The following TMEM267 variants were observed in gnomAD, a reference collection of about 807,000 sequenced individuals.
The protein encoded by TMEM267 is transmembrane protein C5orf28.
TMEM267 carries 20 observed loss-of-function variants against 19.3 expected under a neutral mutation model. The observed-to-expected ratio is 1.04, with a 90% confidence interval of 0.73 to 1.51. The LOEUF (loss-of-function observed/expected upper bound fraction) is 1.51. TMEM267 is among the 40% of genes most tolerant of loss of function. The probability of loss-of-function intolerance (pLI) is 0.00; values close to 1 mark genes in which losing one functional copy is unlikely to be tolerated. For missense variants in TMEM267, 242 were observed against 261.9 expected, an observed-to-expected ratio of 0.92 and a Z score of 0.52; for synonymous variants, 88 against 90.3, an observed-to-expected ratio of 0.97 and a Z score of 0.15.
In TMEM267 at chr5:43,477,370, TGAG is replaced by T. The variant is rs1744491549; in HGVS notation, c.-75+6449_-75+6451del. Among the ~76,000 whole-genome samples, 3 of 152,032 alleles carry T rather than the reference TGAG, an allele frequency of 2.0e-5. No individual in the cohort carries two copies. In the South Asian group the frequency reaches 6.2e-4, roughly 32 times the overall value. ...TTGGGAGGCCGAGGTGGGCGGATCATGAGGTCAGGAGTTCAAGACCAGCCTGAC... is the reference window on the plus strand; with the variant it reads ...TTGGGAGGCCGAGGTGGGCGGATCATGTCAGGAGTTCAAGACCAGCCTGAC... On this transcript the variant is annotated intron_variant, in intron 1 of 2. Transcript: ENST00000397080.
At chr5:43,475,416 C>A (rs903178813) in intron 1 of TMEM267, among the ~76,000 whole-genome samples, 1 of 152,010 alleles carries the variant, frequency 6.6e-6, no homozygotes, top group Non-Finnish European at 1.5e-5. Context: ...AGGAGAAATA[C>A]CTAATGTAGA....
chr5:43,451,937 G>T (rs956370366), intron 2 of TMEM267, among the ~76,000 whole-genome samples: 1 of 151,654 alleles, frequency 6.6e-6, no homozygotes, highest in Non-Finnish European at 1.5e-5. Flanking sequence ...AATTAGCCTG[G>T]CATGGTGGCA....
At chr5:43,480,132 C>T (rs950534055) in intron 1 of TMEM267, 7 of 256,684 alleles carry the variant, frequency 2.7e-5, no homozygotes, top group Non-Finnish European at 5.3e-5. Context: ...AATTAATGGC[C>T]AACCCAGAGC....
rs192347383 is a variant in TMEM267, at chr5:43,473,429, C to T, written c.-75+10393G>A. On this transcript the variant is annotated intron_variant, in intron 1 of 2. Coordinates refer to ENST00000397080, the MANE Select transcript of TMEM267 (RefSeq NM_022483.5). ...AAAGTCTCAGGATACAAAATCAATG[C>T]GCAAAAATCACAAGCATTCCTATAC... 4.8e-3 allele frequency among the ~76,000 whole-genome samples: 730 copies of T among 152,102 alleles called. 16 individuals are homozygous for T. The East Asian group carries it at 0.072, about 15-fold the overall frequency.
At chr5:43,483,242 C>A (rs1361836792) in intron 1 of TMEM267, among the ~76,000 whole-genome samples, 1 of 152,160 alleles carries the variant, frequency 6.6e-6, no homozygotes, top group Non-Finnish European at 1.5e-5. Flanking sequence ...TTCCTATGCC[C>A]ATTACGAATA....
At chr5:43,456,271 C>A (rs752983173) in intron 1 of TMEM267, among the ~76,000 whole-genome samples, 2 of 152,134 alleles carry the variant, frequency 1.3e-5, no homozygotes, top group Non-Finnish European at 2.9e-5. Flanking sequence ...ACTCCATATA[C>A]AAAAATTATC....
Position 43,453,892 on chromosome 5 carries a change from C to T in TMEM267, c.78G>A (p.Leu26=). 6.2e-7 allele frequency: 1 copy of T among 1,614,048 alleles called. No homozygotes were observed. Among genetic ancestry groups the T allele is most frequent in the Non-Finnish European group, 8.5e-7 (1 of 1,180,004 alleles). ...STESLISSLG[L]GAFCLVADRL... The stretch of plus-strand genomic sequence containing the variant: ...TGTCAGCTACGAGGCAAAATGCCCC[C>T]AGACCAAGGCTGGAAATAAGAGATT... Residue 26 remains leucine (L), a synonymous_variant, in exon 2 of 3, where the codon CTG becomes CTA. Transcript: ENST00000397080.
intron 1 of TMEM267, among the ~76,000 whole-genome samples, chr5:43,462,716 C>T (rs541578693): frequency 1.3e-5 from 2 of 152,010 alleles, no homozygotes; most frequent in South Asian, 4.2e-4. Context: ...TGAAGCCAGG[C>T]TATTTGAAAA....
At chr5:43,473,412 A>G (rs1184988720) in intron 1 of TMEM267, among the ~76,000 whole-genome samples, 1 of 152,184 alleles carries the variant, frequency 6.6e-6, no homozygotes, top group Non-Finnish European at 1.5e-5. Context: ...GCAAAGTCTC[A>G]GGATACAAAA....
At chr5:43,457,925 G>A (rs1432141893) in intron 1 of TMEM267, among the ~76,000 whole-genome samples, 1 of 151,930 alleles carries the variant, frequency 6.6e-6, no homozygotes. Context: ...TGAGGACAGG[G>A]TCTCACTGTG....
chr5:43,472,810 G>A (rs1370847470), intron 1 of TMEM267, among the ~76,000 whole-genome samples: 2 of 132,866 alleles, frequency 1.5e-5, no homozygotes, highest in African/African-American at 5.7e-5. Context: ...GTGGTGGGGG[G>A]TCAGCAGGGG....
intron 1 of TMEM267, among the ~76,000 whole-genome samples, chr5:43,460,392 G>A (rs1352400470): frequency 6.6e-6 from 1 of 152,036 alleles, no homozygotes; most frequent in Non-Finnish European, 1.5e-5. Context: ...GGGAGGCAGA[G>A]CAAAATAGCA....
intron 2 of TMEM267, among the ~76,000 whole-genome samples, chr5:43,447,416 C>T (rs1263396905): frequency 6.6e-6 from 1 of 152,002 alleles, no homozygotes; most frequent in Non-Finnish European, 1.5e-5. Context: ...TAAACCACTA[C>T]CAAAATGTAT....
rs1421420805 is a variant in TMEM267, at chr5:43,445,928, T to G, written c.*294A>C. 1.2e-5 allele frequency: 2 copies of G among 169,396 alleles called. No homozygotes were observed. Among genetic ancestry groups the G allele is most frequent in the African/African-American group, 2.4e-5 (1 of 42,170 alleles). The allele number at this position is 169,396 out of a possible 1,614,324, so 10.5% of individuals were successfully genotyped here. ...TATTTCCAGAAAATGAACTGGATGTTAATCTAAAAGAACTACTAGTAAAGC... is the reference window on the plus strand; with the variant it reads ...TATTTCCAGAAAATGAACTGGATGTGAATCTAAAAGAACTACTAGTAAAGC... On this transcript the variant is annotated 3_prime_UTR_variant, in exon 3 of 3. Coordinates refer to ENST00000397080, the MANE Select transcript of TMEM267 (RefSeq NM_022483.5).
chr5:43,475,901 T>C (rs1462706080), intron 1 of TMEM267, among the ~76,000 whole-genome samples: 1 of 152,176 alleles, frequency 6.6e-6, no homozygotes, highest in Non-Finnish European at 1.5e-5. Context: ...ATCAGTTAAC[T>C]AGAGCTCTAA....
chr5:43,453,500 G>A (rs1326484546), intron 2 of TMEM267, among the ~76,000 whole-genome samples, 158 bp downstream of exon 2: 1 of 152,220 alleles, frequency 6.6e-6, no homozygotes, highest in Non-Finnish European at 1.5e-5. Context: ...ACATGTCTGT[G>A]TGCATCTTTA....
intron 1 of TMEM267, among the ~76,000 whole-genome samples, chr5:43,480,797 CTT>C (rs869260304): frequency 3.4e-4 from 27 of 79,562 alleles, no homozygotes; most frequent in African/African-American, 1.5e-3. Flanking sequence ...AATAATCTTA[CTT>C]TTTTTTTTTT....
At chr5:43,460,019 C>T (rs1222921754) in intron 1 of TMEM267, among the ~76,000 whole-genome samples, 1 of 152,212 alleles carries the variant, frequency 6.6e-6, no homozygotes, top group Non-Finnish European at 1.5e-5. Context: ...AGAGTTCCAT[C>T]TTAGGATGGT....
intron 1 of TMEM267, chr5:43,454,637 G>A (rs1431610289): frequency 1.3e-5 from 2 of 152,126 alleles, no homozygotes; most frequent in Non-Finnish European, 2.9e-5. Context: ...GAGACACAAA[G>A]GAGAAAGGCT....
Sources: allele counts gnomAD v4.1 joint callset (sites outside exome capture counted in the v4.1 genomes callset), GRCh38; gene constraint gnomAD v4.1.1; transcripts MANE v1.5; gene names NCBI Gene and HGNC (gene_info 2026-07-23, HGNC 2026-07-21).